CTPS2: variants seen among roughly 807,000 people sequenced by gnomAD.
CTPS2 encodes CTP synthase II.
CTPS2 carries 19 observed loss-of-function variants against 46.8 expected under a neutral mutation model. The observed-to-expected ratio is 0.41, with a 90% CI of 0.28 to 0.60. The LOEUF (loss-of-function observed/expected upper bound fraction) is 0.60. Ranked by LOEUF, CTPS2 falls within the 20% of genes least tolerant of loss-of-function variation. CTPS2 has a pLI of 0.35. For missense variants in CTPS2, 286 were observed against 447.6 expected (o/e 0.64, Z 3.26); for synonymous variants, 151 against 165.2 (o/e 0.91, Z 0.66).
chrX:16,678,085 C>T (rs1922430035), intron 10 of CTPS2, among the ~76,000 whole-genome samples: 2 of 112,012 alleles, frequency 1.8e-5, no homozygotes, highest in Non-Finnish European at 3.8e-5. Flanking sequence ...AGAATCAACA[C>T]ACTTTCCCTC....
chrX:16,670,295 G>A (rs1189021280), intron 11 of CTPS2, among the ~76,000 whole-genome samples: 3 of 112,157 alleles, frequency 2.7e-5, no homozygotes, highest in Non-Finnish European at 5.6e-5. Flanking sequence ...AGATAGTAAA[G>A]CTTCTAGGCC....
At chrX:16,639,312 C>T (rs755961296) in intron 13 of CTPS2, 69 bp from the exon 14 acceptor site, 22 of 780,023 alleles carry the variant, frequency 2.8e-5, no homozygotes, top group South Asian at 2.5e-4. Flanking sequence ...TCAAGCTTTA[C>T]GTTTAAAGGA....
intron 8 of CTPS2, among the ~76,000 whole-genome samples, chrX:16,686,242 T>C (rs1923195083): frequency 8.9e-6 from 1 of 112,366 alleles, no homozygotes; most frequent in Non-Finnish European, 1.9e-5. Flanking sequence ...GGATTGTTTG[T>C]ATTGCAAAGA....
At chrX:16,611,239 C>T (rs1009043119) in intron 16 of CTPS2, among the ~76,000 whole-genome samples, 8 of 111,720 alleles carry the variant, frequency 7.2e-5, no homozygotes, top group African/African-American at 9.7e-5. Context: ...TTTCTTGAGC[C>T]TAGGAGCTCG....
chrX:16,613,079 C>T (rs1930341446), intron 16 of CTPS2, among the ~76,000 whole-genome samples: 1 of 111,099 alleles, frequency 9.0e-6, no homozygotes, highest in Non-Finnish European at 1.9e-5. Flanking sequence ...AGATTAGAGA[C>T]AAAAAGGAAA....
At chrX:16,666,799 G>A (rs1921225634) in intron 13 of CTPS2, among the ~76,000 whole-genome samples, 1 of 111,943 alleles carries the variant, frequency 8.9e-6, no homozygotes, top group Non-Finnish European at 1.9e-5. Context: ...AGAAACTGAT[G>A]GAAGATGAGG....
intron 17 of CTPS2, among the ~76,000 whole-genome samples, chrX:16,601,006 G>A (rs187573691): frequency 8.8e-4 from 98 of 111,297 alleles, no homozygotes; most frequent in Non-Finnish European, 1.7e-3. Flanking sequence ...AGCAGCAGAC[G>A]CAGAAGTAAA....
At chrX:16,597,105 A>G (rs1929326049) in intron 17 of CTPS2, among the ~76,000 whole-genome samples, 1 of 110,426 alleles carries the variant, frequency 9.1e-6, no homozygotes, top group African/African-American at 3.3e-5. Flanking sequence ...CCTTTGTCAG[A>G]TGAGTAGGTT....
rs764764742 is a variant in CTPS2 at position 16,683,684 on chromosome X, C to T, written c.873-458G>A. On this transcript the variant is annotated intron_variant, in intron 8 of 18. Coordinates refer to ENST00000359276, the MANE Select transcript of CTPS2 (RefSeq NM_175859.3). Reference sequence around the variant, plus strand: ...AGTATATCAGAGAAAAAGTTAAAAGCATTAAAAGTAAAAATTGAAAAGCTA... The same window carrying T: ...AGTATATCAGAGAAAAAGTTAAAAGTATTAAAAGTAAAAATTGAAAAGCTA... Among the ~76,000 whole-genome samples, 6 of 112,158 alleles carry T rather than the reference C, an allele frequency of 5.3e-5. No homozygotes were observed. The South Asian group carries it at 1.1e-3, about 21-fold the overall frequency.
Position 16,678,993 on chromosome X carries a change from A to G in CTPS2, c.1006-543T>C, listed in dbSNP as rs770290455. Reference sequence around the variant, plus strand: ...TGTTCAAGAAGCCAGCCGAGAGGAGAGCAGAAGCAAGATAAGCACGTGTGT... The same window carrying G: ...TGTTCAAGAAGCCAGCCGAGAGGAGGGCAGAAGCAAGATAAGCACGTGTGT... On this transcript the variant is annotated intron_variant, in intron 9 of 18. Coordinates refer to ENST00000359276, the MANE Select transcript of CTPS2 (RefSeq NM_175859.3). Among the ~76,000 whole-genome samples, 11 of 110,879 alleles carry G rather than the reference A, an allele frequency of 9.9e-5. No homozygotes were observed. The East Asian group carries it at 3.1e-3, about 31-fold the overall frequency.
chrX:16,698,481 T>C, intron 3 of CTPS2, 145 bp from the exon 4 acceptor site: 1 of 447,220 alleles, frequency 2.2e-6, no homozygotes. Flanking sequence ...CGCAACAATT[T>C]TAAAAGAATT....
chrX:16,709,109 CA>C (rs1173424573), intron 1 of CTPS2, among the ~76,000 whole-genome samples: 1 of 100,821 alleles, frequency 9.9e-6, no homozygotes, highest in Non-Finnish European at 2.0e-5. Flanking sequence ...GACTTCGTCT[CA>C]AAAAAAAAAG....
chrX:16,697,943 C>T (rs936629166), intron 4 of CTPS2, among the ~76,000 whole-genome samples: 5 of 111,409 alleles, frequency 4.5e-5, no homozygotes, highest in Non-Finnish European at 7.5e-5. Context: ...TCCCAGGCCC[C>T]GGCACAGAAG....
chrX:16,657,902 T>A (rs182683124), intron 13 of CTPS2, among the ~76,000 whole-genome samples: 9 of 111,774 alleles, frequency 8.1e-5, no homozygotes, highest in African/African-American at 2.9e-4. Flanking sequence ...ATTTAGAAAG[T>A]TAACCAGAAA....
intron 13 of CTPS2, among the ~76,000 whole-genome samples, chrX:16,642,229 T>C (rs999415047): frequency 6.2e-5 from 7 of 112,099 alleles, no homozygotes; most frequent in Non-Finnish European, 1.3e-4. Context: ...TCTCCTGAAA[T>C]GATAGCACAG....
At chrX:16,626,962 A>G (rs1602157036) in intron 14 of CTPS2, 1 of 113,821 alleles carries the variant, frequency 8.8e-6, no homozygotes, top group East Asian at 2.8e-4. Context: ...CCCCGGTGCC[A>G]TATCTCCTAT....
chrX:16,650,138 AT>A (rs1932534690), intron 13 of CTPS2: 1 of 112,150 alleles, frequency 8.9e-6, no homozygotes, highest in Admixed American at 9.5e-5. Context: ...TAAAAGTGTC[AT>A]GATTCTGCTC....
At chrX:16,603,887 C>T (rs1929823003) in intron 17 of CTPS2, among the ~76,000 whole-genome samples, 1 of 111,321 alleles carries the variant, frequency 9.0e-6, no homozygotes, top group South Asian at 3.8e-4. Flanking sequence ...TGGGTTCCTT[C>T]TCACCCTGAC....
intron 9 of CTPS2, among the ~76,000 whole-genome samples, chrX:16,678,983 C>T (rs1019459206): frequency 9.0e-6 from 1 of 110,905 alleles, no homozygotes; most frequent in African/African-American, 3.3e-5. Context: ...AAGAAGCCAG[C>T]CGAGAGGAGA....
Sources: allele counts gnomAD v4.1 joint callset (sites outside exome capture counted in the v4.1 genomes callset), GRCh38; gene constraint gnomAD v4.1.1; transcripts MANE v1.5; gene names NCBI Gene and HGNC (gene_info 2026-07-23, HGNC 2026-07-21).